The following CCDC69 variants were observed in gnomAD, a reference collection of about 807,000 sequenced individuals.
CCDC69 encodes the protein coiled-coil domain containing 69, also known as coiled-coil domain-containing protein 69.
Under a neutral mutation model 40.3 loss-of-function variants are expected in CCDC69, and 38 were observed. The observed-to-expected ratio is 0.94, with a 90% CI of 0.73 to 1.24. The LOEUF is 1.24. Ranked by LOEUF, CCDC69 falls within the 50% of genes most tolerant of loss-of-function variation. CCDC69 has a pLI of 0.00. For missense variants in CCDC69, 389 were observed against 357.9 expected (o/e 1.09, Z -0.70); for synonymous variants, 141 against 138.9 (o/e 1.02, Z -0.11).
Position 151,183,087 on chromosome 5 carries a change from AG to A in CCDC69, c.*349del, listed in dbSNP as rs1419428618. 8.2e-6 allele frequency: 4 copies of A among 488,898 alleles called. No individual in the cohort carries two copies. The highest frequency in any genetic ancestry group is 1.6e-5 in the Non-Finnish European group (4 of 248,530). The allele number at this position is 488,898 out of a possible 1,614,324, so 30.3% of individuals were successfully genotyped here. A position where few individuals can be genotyped will look rare whatever the true frequency, so the allele number is the denominator to read the frequency against. On this transcript the variant is annotated 3_prime_UTR_variant, in exon 9 of 9. Coordinates refer to ENST00000355417, the MANE Select transcript of CCDC69 (RefSeq NM_015621.3). ...GCAGCAGAGCTGACAAGCTGGGACC[AG>A]GGGCTGTCTCCTTTATGTCAAATGG...
At chr5:151,216,696 G>A (rs1412496461) in intron 1 of CCDC69, among the ~76,000 whole-genome samples, 1 of 152,146 alleles carries the variant, frequency 6.6e-6, no homozygotes, top group Non-Finnish European at 1.5e-5. Context: ...GATTACAGGC[G>A]TGAGCCACCA....
chr5:151,198,233 T>A (rs138233837), intron 4 of CCDC69, among the ~76,000 whole-genome samples: 9 of 152,298 alleles, frequency 5.9e-5, no homozygotes, highest in African/African-American at 1.9e-4. Context: ...GTTACAGAGC[T>A]GGTAAGCAGT....
chr5:151,187,936 C>T (rs949425790), intron 4 of CCDC69, among the ~76,000 whole-genome samples: 4 of 152,126 alleles, frequency 2.6e-5, no homozygotes, highest in South Asian at 4.1e-4. Flanking sequence ...TCTGCCTTTC[C>T]GAAACTGAGA....
chr5:151,206,225 T>C (rs1369031996), intron 1 of CCDC69, among the ~76,000 whole-genome samples: 1 of 152,194 alleles, frequency 6.6e-6, no homozygotes, highest in Admixed American at 6.5e-5. Context: ...ATGCAGATGA[T>C]GAGCTGCATA....
At chr5:151,207,984 C>T (rs1002548296) in intron 1 of CCDC69, among the ~76,000 whole-genome samples, 2 of 152,192 alleles carry the variant, frequency 1.3e-5, no homozygotes, top group Non-Finnish European at 2.9e-5. Context: ...GGCACAGTGG[C>T]TCATGCCTAT....
intron 5 of CCDC69, among the ~76,000 whole-genome samples, chr5:151,187,169 C>T (rs1013038711): frequency 6.6e-6 from 1 of 152,190 alleles, no homozygotes; most frequent in Non-Finnish European, 1.5e-5. Context: ...CCCAGCAGTC[C>T]CTGGAAAAAT....
At chr5:151,222,643 C>T (rs1390879127) in intron 1 of CCDC69, among the ~76,000 whole-genome samples, 2 of 151,740 alleles carry the variant, frequency 1.3e-5, no homozygotes, top group African/African-American at 4.9e-5. Context: ...TGTCTGCCTA[C>T]CACTTGCTCA....
At chr5:151,192,460 G>A (rs972955408) in intron 4 of CCDC69, among the ~76,000 whole-genome samples, 30 of 142,780 alleles carry the variant, frequency 2.1e-4, no homozygotes, top group African/African-American at 6.3e-4. Flanking sequence ...AAAAAAAAAT[G>A]ACCAAAACTC....
chr5:151,191,764 C>T (rs1446378884), intron 4 of CCDC69, among the ~76,000 whole-genome samples: 75 of 152,074 alleles, frequency 4.9e-4, no homozygotes, highest in Non-Finnish European at 4.4e-5. Context: ...GGAGAAAGGT[C>T]TCAAATCAAT....
At chr5:151,219,836 G>A (rs536421653) in intron 1 of CCDC69, among the ~76,000 whole-genome samples, 20 of 152,044 alleles carry the variant, frequency 1.3e-4, no homozygotes, top group African/African-American at 3.4e-4. Flanking sequence ...TTTGCTAGTC[G>A]TAGGTTTGCA....
intron 1 of CCDC69, among the ~76,000 whole-genome samples, chr5:151,215,170 T>C (rs1214379939): frequency 6.6e-6 from 1 of 152,174 alleles, no homozygotes; most frequent in African/African-American, 2.4e-5. Flanking sequence ...CCCAGATACC[T>C]GTCTCCCAGT....
chr5:151,219,258 C>T lies in CCDC69; in HGVS notation c.48+4665G>A, dbSNP rs144277092. Among the ~76,000 whole-genome samples, 153 of 152,268 alleles carry T rather than the reference C, an allele frequency of 1.0e-3. 3 individuals are homozygous for T. In the East Asian group the frequency reaches 0.027, roughly 27 times the overall value. On this transcript the variant is annotated intron_variant, in intron 1 of 8. Coordinates refer to ENST00000355417, the MANE Select transcript of CCDC69 (RefSeq NM_015621.3). ...CCTGACCAGGTGTCAAGGGCTGCTC[C>T]CATATTCCTTCTGCCTAGCATGCCC...
intron 5 of CCDC69, among the ~76,000 whole-genome samples, chr5:151,186,926 T>C (rs749788734): frequency 3.3e-5 from 5 of 152,196 alleles, no homozygotes; most frequent in Non-Finnish European, 7.3e-5. Context: ...TTTTCCTCCA[T>C]GTCTTTGAAC....
intron 1 of CCDC69, among the ~76,000 whole-genome samples, chr5:151,205,947 CAGA>C: frequency 6.6e-6 from 1 of 152,200 alleles, no homozygotes; most frequent in East Asian, 1.9e-4. Context: ...ATCATCCACA[CAGA>C]AGAAGACTTC....
chr5:151,198,961 C>A (rs763508959), intron 4 of CCDC69, 36 bp downstream of exon 4: 4 of 1,546,694 alleles, frequency 2.6e-6, no homozygotes, highest in Non-Finnish European at 8.9e-7. Context: ...GAAGCACCCC[C>A]CACCACCTTG....
chr5:151,194,214 A>T (rs951967655), intron 4 of CCDC69, among the ~76,000 whole-genome samples: 6 of 152,250 alleles, frequency 3.9e-5, no homozygotes, highest in Non-Finnish European at 7.3e-5. Context: ...TTCACCCAAG[A>T]TAAATGAAAA....
chr5:151,222,365 G>A (rs564615776), intron 1 of CCDC69, among the ~76,000 whole-genome samples: 21 of 152,352 alleles, frequency 1.4e-4, no homozygotes, highest in African/African-American at 3.8e-4. Flanking sequence ...AAGAACCTGT[G>A]CTTACTGTGA....
At chr5:151,209,118 G>T (rs1044346143) in intron 1 of CCDC69, among the ~76,000 whole-genome samples, 2 of 152,208 alleles carry the variant, frequency 1.3e-5, no homozygotes, top group African/African-American at 2.4e-5. Context: ...CACAGATCTG[G>T]GTTCAAATAC....
chr5:151,208,445 G>A (rs939068837), intron 1 of CCDC69, among the ~76,000 whole-genome samples: 3 of 152,260 alleles, frequency 2.0e-5, no homozygotes, highest in African/African-American at 7.2e-5. Context: ...GCTGGGCACA[G>A]AGCCTGGCAT....
Sources: gnomAD v4.1 joint callset for allele counts (sites outside exome capture counted in the v4.1 genomes callset) on GRCh38, gnomAD v4.1.1 for gene constraint, MANE v1.5 for transcripts, NCBI Gene and HGNC (gene_info 2026-07-23, HGNC 2026-07-21) for gene names.